The following USP47 variants were observed in gnomAD, a reference collection of about 807,000 sequenced individuals.
USP47 encodes the protein ubiquitin carboxyl-terminal hydrolase 47.
USP47 carries 35 observed loss-of-function variants against 165.1 expected under a neutral mutation model. The observed-to-expected ratio is 0.21, with a 90% CI of 0.16 to 0.28. The LOEUF (loss-of-function observed/expected upper bound fraction) is 0.28, where lower values mean the gene tolerates loss of function less well. USP47 is among the 10% of genes least tolerant of loss of function. The pLI, the probability that USP47 is intolerant of heterozygous loss-of-function variation, is 1.00. For missense variants in USP47, 1,277 were observed against 1,607.4 expected (o/e 0.79, Z 3.52); for synonymous variants, 531 against 544.5 (o/e 0.98, Z 0.35).
At chr11:11,888,405 A>G (rs1451483777) in intron 3 of USP47, among the ~76,000 whole-genome samples, 1 of 152,200 alleles carries the variant, frequency 6.6e-6, no homozygotes, top group African/African-American at 2.4e-5. Context: ...CAGAAATACG[A>G]AAAACCATCA....
chr11:11,862,529 A>G (rs902125255), intron 1 of USP47, among the ~76,000 whole-genome samples: 28 of 152,182 alleles, frequency 1.8e-4, no homozygotes, highest in African/African-American at 6.5e-4. Flanking sequence ...CCTTGAGTAT[A>G]TAAGCAAGAG....
In USP47 at chr11:11,947,896, G is replaced by A. The variant is rs762378060; in HGVS notation, c.3092-49G>A. 2.1e-5 allele frequency: 33 copies of A among 1,546,712 alleles called. No individual in the cohort carries two copies. In the South Asian group the frequency reaches 3.8e-4, roughly 18 times the overall value. Reference sequence around the variant, plus strand: ...ATGATCTGTTTTATTTATACTCAGAGGTTTCTTTTACATTTTTGTTCCTGT... The same window carrying A: ...ATGATCTGTTTTATTTATACTCAGAAGTTTCTTTTACATTTTTGTTCCTGT... On this transcript the variant is annotated intron_variant, in intron 20 of 27. Transcript: ENST00000527733.
intron 8 of USP47, among the ~76,000 whole-genome samples, chr11:11,908,283 CTCTT>C (rs1423889011): frequency 1.3e-5 from 2 of 151,718 alleles, no homozygotes; most frequent in East Asian, 1.9e-4. Context: ...TTTTCTCTCT[CTCTT>C]TTAAAAAATT....
intron 1 of USP47, among the ~76,000 whole-genome samples, chr11:11,865,935 C>T (rs1254857295): frequency 2.0e-5 from 3 of 152,014 alleles, no homozygotes; most frequent in Non-Finnish European, 4.4e-5. Context: ...ATCTCTTATA[C>T]AGTTTGCAAA....
chr11:11,952,924 ATAT>A, intron 25 of USP47, 53 bp downstream of exon 25: 14 of 1,223,934 alleles, frequency 1.1e-5, no homozygotes, highest in Non-Finnish European at 1.3e-5. Context: ...GTATATCATA[ATAT>A]TAATAAAATA....
intron 1 of USP47, 43 bp downstream of exon 1, chr11:11,842,267 C>G: frequency 6.5e-7 from 1 of 1,546,488 alleles, no homozygotes; most frequent in Non-Finnish European, 8.7e-7. Context: ...CCTGCGGCCG[C>G]TCGAGGCAAC....
In USP47 at chr11:11,894,995, T is replaced by C. The variant is rs975532475; in HGVS notation, c.497-2602T>C. Among the ~76,000 whole-genome samples the C allele has an allele frequency of 2.0e-5, 3 of 152,128 alleles. No individual in the cohort carries two copies. The South Asian group carries it at 6.2e-4, about 31-fold the overall frequency. On this transcript the variant is annotated intron_variant, in intron 4 of 27. Transcript: ENST00000527733. Reference sequence around the variant, plus strand: ...TTTTCACTTAATACTATATGAGGAGTATTTTTTAATGTTATTAAATAGTAT... The same window carrying C: ...TTTTCACTTAATACTATATGAGGAGCATTTTTTAATGTTATTAAATAGTAT...
At chr11:11,922,052 A>G (rs1853876136) in intron 10 of USP47, among the ~76,000 whole-genome samples, 1 of 151,896 alleles carries the variant, frequency 6.6e-6, no homozygotes, top group Non-Finnish European at 1.5e-5. Flanking sequence ...AAATTCTCAA[A>G]TTATTTAAAT....
At position 11,843,458 on chromosome 11, in the gene USP47, G is replaced by A. The variant is rs142579540; in HGVS notation, c.39+1234G>A. ...GAGTTAATCAGAATTCTTGCCTTGG[G>A]AACTTTCTGAGCTACTAAGAAAGGG... On this transcript the variant is annotated intron_variant, in intron 1 of 27. Transcript: ENST00000527733. Among the ~76,000 whole-genome samples, 1,138 of 152,282 alleles carry A rather than the reference G, an allele frequency of 7.5e-3. 18 individuals are homozygous for A. Among genetic ancestry groups the A allele is most frequent in the African/African-American group, 0.026 (1,092 of 41,560 alleles).
chr11:11,842,336 G>A, intron 1 of USP47, 112 bp downstream of exon 1: 1 of 1,242,692 alleles, frequency 8.0e-7, no homozygotes, highest in Non-Finnish European at 1.1e-6. Flanking sequence ...CGGCTGTGGG[G>A]GAATGAGGAG....
At chr11:11,876,209 G>A (rs983244531) in intron 1 of USP47, among the ~76,000 whole-genome samples, 1 of 151,898 alleles carries the variant, frequency 6.6e-6, no homozygotes. Context: ...CATGCTGTAG[G>A]CTTTTCTAAA....
At chr11:11,914,679 A>C (rs779680959) in intron 8 of USP47, among the ~76,000 whole-genome samples, 9 of 152,210 alleles carry the variant, frequency 5.9e-5, no homozygotes, top group Non-Finnish European at 1.0e-4. Context: ...TCAGTTTAGA[A>C]AAATTCATCT....
At chr11:11,920,026 G>T in intron 8 of USP47, 130 bp from the exon 9 acceptor site, 3 of 577,858 alleles carry the variant, frequency 5.2e-6, no homozygotes, top group Non-Finnish European at 2.7e-6. Flanking sequence ...ATTTTCCTTG[G>T]TACATTTTGA....
Position 11,920,362 on chromosome 11 carries a change from T to C in USP47, c.1086T>C (p.Phe362=), listed in dbSNP as rs1391956742. 19 of 1,609,068 alleles carry C rather than the reference T, an allele frequency of 1.2e-5. No homozygotes were observed. Among genetic ancestry groups the C allele is most frequent in the Non-Finnish European group, 1.4e-5 (17 of 1,177,732 alleles). Residue 362 remains phenylalanine (F), a synonymous_variant, in exon 10 of 28, where the codon TTT becomes TTC. Coordinates refer to ENST00000527733, the MANE Select transcript of USP47 (RefSeq NM_001282659.2). The part of the protein sequence containing the change: ...DARKGLRFLH[F]PYLLTLQLKR... The stretch of plus-strand genomic sequence containing the variant: ...TTTAGGGCCTTCGGTTTTTGCATTT[T>C]CCTTATCTGCTGACCTTACAGCTGA...
intron 8 of USP47, among the ~76,000 whole-genome samples, chr11:11,907,581 C>T (rs192332012): frequency 3.2e-4 from 48 of 152,220 alleles, no homozygotes; most frequent in Admixed American, 2.8e-3. Flanking sequence ...TATGTCACTG[C>T]TTGCCATTTT....
Position 11,875,048 on chromosome 11 carries a change from T to A in USP47, c.40-5129T>A, listed in dbSNP as rs1480587794. Among the ~76,000 whole-genome samples the A allele has an allele frequency of 1.3e-4, 19 of 150,356 alleles. No homozygotes were observed. In the East Asian group the frequency reaches 3.7e-3, roughly 29 times the overall value. On this transcript the variant is annotated intron_variant, in intron 1 of 27. Transcript: ENST00000527733. ...AATTGACTTATTGTGTGTGTGTGTG[T>A]GTGTGTGTGTGTGTGTGTGTGTGTG...
rs1043291327 is a variant in USP47, at chr11:11,956,500, A to G, written c.*325A>G. On this transcript the variant is annotated 3_prime_UTR_variant, in exon 28 of 28. Coordinates refer to ENST00000527733, the MANE Select transcript of USP47 (RefSeq NM_001282659.2). ...CTTCTTTTATTGCGGACAAATGTGC[A>G]CATAGCCGCTAGTAAAACTAGCCTC... The G allele has an allele frequency of 1.0e-5, 2 of 198,326 alleles. No individual in the cohort carries two copies. Among genetic ancestry groups the G allele is most frequent in the African/African-American group, 4.7e-5 (2 of 42,830 alleles). The allele number at this position is 198,326 out of a possible 1,614,324, so 12.3% of individuals were successfully genotyped here. A position where few individuals can be genotyped will look rare whatever the true frequency, so the allele number is the denominator to read the frequency against.
chr11:11,903,174 A>G, intron 6 of USP47, 89 bp from the exon 7 acceptor site: 1 of 1,299,104 alleles, frequency 7.7e-7, no homozygotes, highest in South Asian at 1.5e-5. Flanking sequence ...GGTAGACTTC[A>G]ATATTTCTGT....
At chr11:11,912,181 A>T (rs1465373051) in intron 8 of USP47, among the ~76,000 whole-genome samples, 2 of 151,868 alleles carry the variant, frequency 1.3e-5, no homozygotes, top group African/African-American at 4.8e-5. Context: ...AGAGCAAAAG[A>T]AACCCAAAGC....
Sources: allele counts gnomAD v4.1 joint callset (sites outside exome capture counted in the v4.1 genomes callset), GRCh38; gene constraint gnomAD v4.1.1; transcripts MANE v1.5; gene names NCBI Gene and HGNC (gene_info 2026-07-23, HGNC 2026-07-21).